Variants in LRBA observed in about 807,000 individuals in gnomAD.
The protein encoded by LRBA is LPS responsive beige-like anchor protein.
Under a neutral mutation model 330.0 loss-of-function variants are expected in LRBA, and 176 were observed. The observed-to-expected ratio is 0.53, with a 90% CI of 0.47 to 0.60. The LOEUF is 0.60. Among genes scored for constraint, LRBA ranks in the 20% least tolerant of loss-of-function variants. The pLI, the probability that LRBA is intolerant of heterozygous loss-of-function variation, is 0.00. For synonymous variants in LRBA, 1,230 were observed against 1,193.0 expected (o/e 1.03, Z -0.64); for missense variants, 3,259 against 3,444.8 (o/e 0.95, Z 1.35).
At chr4:150,522,946 CT>C (rs1388881863) in intron 40 of LRBA, among the ~76,000 whole-genome samples, 1 of 152,182 alleles carries the variant, frequency 6.6e-6, no homozygotes, top group Non-Finnish European at 1.5e-5. Context: ...ACAGCACCCA[CT>C]AGAGCAATGT....
chr4:150,446,120 T>A (rs1253922925), intron 44 of LRBA, among the ~76,000 whole-genome samples: 1 of 151,648 alleles, frequency 6.6e-6, no homozygotes, highest in African/African-American at 2.4e-5. Flanking sequence ...AAAAAGTGGA[T>A]CTCATAAAGA....
chr4:150,831,529 T>A (rs551142480), intron 29 of LRBA, among the ~76,000 whole-genome samples: 1 of 152,196 alleles, frequency 6.6e-6, no homozygotes, highest in Non-Finnish European at 1.5e-5. Context: ...AGAATATGAG[T>A]TAGTGATTCT....
At chr4:150,688,118 G>A (rs181911512) in intron 36 of LRBA, among the ~76,000 whole-genome samples, 1 of 152,170 alleles carries the variant, frequency 6.6e-6, no homozygotes, top group African/African-American at 2.4e-5. Flanking sequence ...TAAAACAAAT[G>A]GAACAGAACA....
chr4:150,844,259 C>G (rs1749529030), intron 27 of LRBA, 52 bp from the exon 28 acceptor site: 1 of 849,404 alleles, frequency 1.2e-6, no homozygotes, highest in Non-Finnish European at 1.8e-6. Flanking sequence ...ATATACATTA[C>G]ACAGATATTC....
chr4:150,841,961 T>C (rs972760685), intron 28 of LRBA, among the ~76,000 whole-genome samples: 6 of 152,172 alleles, frequency 3.9e-5, no homozygotes, highest in African/African-American at 1.4e-4. Flanking sequence ...CACCCAGTGA[T>C]TTCCTTTTTC....
chr4:150,981,869 A>G (rs1441345977), intron 2 of LRBA, among the ~76,000 whole-genome samples: 1 of 151,576 alleles, frequency 6.6e-6, no homozygotes, highest in Non-Finnish European at 1.5e-5. Context: ...AGGCTGAGGC[A>G]GGAGAACGGT....
At chr4:150,805,416 GGGAAAGGAAA>G (rs143391822) in intron 33 of LRBA, among the ~76,000 whole-genome samples, 1 of 96,052 alleles carries the variant, frequency 1.0e-5, no homozygotes, top group Non-Finnish European at 1.9e-5. Context: ...AGGAAAGGAA[GGGAAAGGAAA>G]GGAAAGGAAA....
intron 36 of LRBA, among the ~76,000 whole-genome samples, chr4:150,729,159 A>C (rs1340112586): frequency 1.3e-5 from 2 of 152,130 alleles, no homozygotes; most frequent in Non-Finnish European, 2.9e-5. Flanking sequence ...CTCTATAAAA[A>C]ACACAAAAAT....
At chr4:150,372,023 A>G (rs1364290389) in intron 47 of LRBA, among the ~76,000 whole-genome samples, 1 of 152,172 alleles carries the variant, frequency 6.6e-6, no homozygotes, top group Non-Finnish European at 1.5e-5. Flanking sequence ...ACTTTTAAGC[A>G]TTAATGTACC....
intron 37 of LRBA, among the ~76,000 whole-genome samples, chr4:150,675,046 G>A (rs200973472): frequency 1.3e-5 from 2 of 151,852 alleles, no homozygotes; most frequent in African/African-American, 4.8e-5. Context: ...GTGAGACTTT[G>A]TTGCCCAGAA....
chr4:150,738,797 T>C (rs1348398529), intron 35 of LRBA, among the ~76,000 whole-genome samples: 3 of 148,134 alleles, frequency 2.0e-5, no homozygotes, highest in Non-Finnish European at 4.5e-5. Context: ...AAATAATATA[T>C]AACCAACAAG....
At chr4:150,975,933 G>A (rs1740114557) in intron 2 of LRBA, among the ~76,000 whole-genome samples, 1 of 151,986 alleles carries the variant, frequency 6.6e-6, no homozygotes, top group Non-Finnish European at 1.5e-5. Context: ...AGGCCAAGGT[G>A]GGCAGATCAC....
chr4:150,971,232 T>C (rs2149586495), intron 2 of LRBA, among the ~76,000 whole-genome samples: 1 of 152,324 alleles, frequency 6.6e-6, no homozygotes, highest in Admixed American at 6.5e-5. Context: ...TCTGGTTCCT[T>C]TGAGGAACTT....
intron 47 of LRBA, among the ~76,000 whole-genome samples, chr4:150,366,841 T>C (rs1202427077): frequency 6.6e-6 from 1 of 152,182 alleles, no homozygotes; most frequent in African/African-American, 2.4e-5. Context: ...AAAGGAAGCT[T>C]TCCCTTTCTC....
At chr4:150,562,213 AAC>A (rs891111831) in intron 40 of LRBA, among the ~76,000 whole-genome samples, 6 of 152,160 alleles carry the variant, frequency 3.9e-5, no homozygotes, top group African/African-American at 1.4e-4. Flanking sequence ...TCTACCAATC[AAC>A]ATATAATATT....
intron 42 of LRBA, among the ~76,000 whole-genome samples, chr4:150,472,459 C>T (rs1240693212): frequency 1.3e-5 from 2 of 152,200 alleles, no homozygotes; most frequent in East Asian, 3.9e-4. Flanking sequence ...GTATAATTTT[C>T]ATGCCATAAA....
intron 37 of LRBA, among the ~76,000 whole-genome samples, chr4:150,655,967 G>C (rs916428982): frequency 6.6e-6 from 1 of 152,064 alleles, no homozygotes; most frequent in Admixed American, 6.5e-5. Context: ...CTCTCCCATC[G>C]CAAACCTAGT....
chr4:150,380,003 TAAAAAAAA>T (rs371691815), intron 47 of LRBA, among the ~76,000 whole-genome samples: 60,210 of 115,186 alleles, frequency 0.52, 13,738 homozygotes, highest in Middle Eastern at 0.6. Context: ...TTTCTACTAC[TAAAAAAAA>T]AAAAAAAAAA....
At chr4:150,717,675 G>GTAATAATAATAA (rs10522737) in intron 36 of LRBA, among the ~76,000 whole-genome samples, 13,391 of 139,640 alleles carry the variant, frequency 0.096, 746 homozygotes, top group African/African-American at 0.14. Context: ...AACAATAATA[G>GTAATAATAATAA]TAATAATAAT....
Sources: gnomAD v4.1 joint callset for allele counts (sites outside exome capture counted in the v4.1 genomes callset) on GRCh38, gnomAD v4.1.1 for gene constraint, MANE v1.5 for transcripts, NCBI Gene and HGNC (gene_info 2026-07-23, HGNC 2026-07-21) for gene names.